Variants in DIAPH3 observed in about 807,000 individuals in gnomAD.
DIAPH3 encodes the protein diaphanous related formin 3, also known as protein diaphanous homolog 3.
Under a neutral mutation model 144.3 loss-of-function variants are expected in DIAPH3, and 117 were observed. The ratio of observed to expected loss-of-function variants is 0.81; its 90% CI spans 0.70 to 0.95. The LOEUF (loss-of-function observed/expected upper bound fraction) is 0.95, where lower values mean the gene tolerates loss of function less well. DIAPH3 is among the 40% of genes least tolerant of loss of function. DIAPH3 has a pLI of 0.00. For synonymous variants in DIAPH3, 519 were observed against 488.9 expected (o/e 1.06, Z -0.81); for missense variants, 1,421 against 1,412.7 (o/e 1.01, Z -0.09).
intron 1 of DIAPH3, among the ~76,000 whole-genome samples, chr13:60,145,100 T>C (rs1951443346): frequency 6.6e-6 from 1 of 152,164 alleles, no homozygotes; most frequent in Non-Finnish European, 1.5e-5. Context: ...TATCCCCATC[T>C]TAGAGAACAG....
intron 23 of DIAPH3, 37 bp downstream of exon 23, chr13:59,839,286 GA>G: frequency 6.2e-7 from 1 of 1,608,244 alleles, no homozygotes; most frequent in Non-Finnish European, 8.5e-7. Context: ...ATCTCTAGTT[GA>G]CTAGTGACTT....
intron 20 of DIAPH3, among the ~76,000 whole-genome samples, chr13:59,893,569 G>C (rs989453805): frequency 9.2e-5 from 14 of 151,766 alleles, no homozygotes; most frequent in African/African-American, 3.4e-4. Context: ...GCCAGCTAAT[G>C]GTTTTATATC....
chr13:59,971,111 T>C lies in DIAPH3; in HGVS notation c.1700A>G (p.Glu567Gly), dbSNP rs765317283. The C allele has an allele frequency of 1.2e-6, 2 of 1,607,168 alleles. No homozygotes were observed. Among genetic ancestry groups the C allele is most frequent in the Non-Finnish European group, 1.7e-6 (2 of 1,176,260 alleles). ...DCNIPLPPSK[E>G]GGTGHSALPP... ...AAGTGCTGAGTGGCCAGTTCCACCT[T>C]CTTTAGAGGGAGGCAAAGGAATATT... Residue 567 changes from glutamate to glycine, a missense_variant, in exon 16 of 28, where the codon GAA (glutamate) becomes GGA (glycine). By Grantham distance (98) the Glu-to-Gly change is moderately conservative. Transcript: ENST00000400324.
chr13:59,937,894 G>T (rs2048340699), intron 17 of DIAPH3, among the ~76,000 whole-genome samples: 2 of 152,062 alleles, frequency 1.3e-5, no homozygotes, highest in African/African-American at 4.8e-5. Flanking sequence ...GTAGAAAAGA[G>T]GAGGAGAAGG....
At chr13:59,821,801 T>C (rs1196713441) in intron 24 of DIAPH3, among the ~76,000 whole-genome samples, 1 of 152,208 alleles carries the variant, frequency 6.6e-6, no homozygotes, top group East Asian at 1.9e-4. Flanking sequence ...TGATATACTG[T>C]GCTCTGGCAC....
intron 20 of DIAPH3, among the ~76,000 whole-genome samples, chr13:59,893,560 C>T (rs925942130): frequency 6.6e-6 from 1 of 151,676 alleles, no homozygotes; most frequent in African/African-American, 2.4e-5. Flanking sequence ...GCAATTCCAG[C>T]CAGCTAATGG....
At chr13:60,063,627 T>C (rs2056850730) in intron 4 of DIAPH3, among the ~76,000 whole-genome samples, 1 of 152,088 alleles carries the variant, frequency 6.6e-6, no homozygotes, top group African/African-American at 2.4e-5. Context: ...TTCACATGCA[T>C]AAAAACATTA....
intron 4 of DIAPH3, among the ~76,000 whole-genome samples, chr13:60,070,195 G>A (rs2141344578): frequency 6.6e-6 from 1 of 150,740 alleles, no homozygotes; most frequent in East Asian, 1.9e-4. Flanking sequence ...GTTTGTTCAT[G>A]TCTCAGTTAG....
intron 2 of DIAPH3, among the ~76,000 whole-genome samples, chr13:60,122,350 T>G (rs1374258960): frequency 6.6e-6 from 1 of 152,192 alleles, no homozygotes; most frequent in African/African-American, 2.4e-5. Flanking sequence ...TAAGAGCCCA[T>G]TTTGATTCCT....
chr13:59,886,891 C>T (rs2045488372), intron 20 of DIAPH3, among the ~76,000 whole-genome samples: 1 of 151,942 alleles, frequency 6.6e-6, no homozygotes, highest in East Asian at 1.9e-4. Flanking sequence ...ATGTATTCAT[C>T]TTTTATGTTT....
At chr13:59,674,651 C>A (rs2138603733) in intron 27 of DIAPH3, among the ~76,000 whole-genome samples, 1 of 152,298 alleles carries the variant, frequency 6.6e-6, no homozygotes, top group Non-Finnish European at 1.5e-5. Flanking sequence ...CATTTCCAGC[C>A]CTGACAACAG....
chr13:59,703,815 T>G (rs541166127), intron 27 of DIAPH3, among the ~76,000 whole-genome samples: 13 of 152,290 alleles, frequency 8.5e-5, no homozygotes, highest in African/African-American at 2.9e-4. Flanking sequence ...AATCTGGATA[T>G]TCTATGTATA....
chr13:59,772,018 AAAATAT>A (rs2038149963), intron 27 of DIAPH3, among the ~76,000 whole-genome samples: 1 of 152,110 alleles, frequency 6.6e-6, no homozygotes, highest in Non-Finnish European at 1.5e-5. Context: ...ATACTTGTAG[AAAATAT>A]AAATATTAGA....
At position 60,110,519 on chromosome 13, in the gene DIAPH3, C is replaced by T. The variant is rs192458092; in HGVS notation, c.390+1491G>A. Among the ~76,000 whole-genome samples, 515 of 152,278 alleles carry T rather than the reference C, an allele frequency of 3.4e-3. 2 individuals are homozygous for T. The highest frequency in any genetic ancestry group is 0.011 in the African/African-American group (454 of 41,564). On this transcript the variant is annotated intron_variant, in intron 3 of 27. Transcript: ENST00000400324. ...CACATTTAAAGAAGGCAACAACACC[C>T]TTCAAAAGCCTTTCAGCTTCAGAAT...
intron 4 of DIAPH3, among the ~76,000 whole-genome samples, chr13:60,063,144 T>C (rs1359120239): frequency 6.6e-6 from 1 of 152,248 alleles, no homozygotes; most frequent in African/African-American, 2.4e-5. Flanking sequence ...TGGAAGATTC[T>C]GAATCATTTA....
intron 27 of DIAPH3, among the ~76,000 whole-genome samples, chr13:59,704,704 G>A (rs1476701225): frequency 6.6e-6 from 1 of 152,132 alleles, no homozygotes; most frequent in Non-Finnish European, 1.5e-5. Context: ...GTAACATGTT[G>A]TGCAGGTTTG....
chr13:59,726,246 G>A (rs1225122605), intron 27 of DIAPH3, among the ~76,000 whole-genome samples: 1 of 151,990 alleles, frequency 6.6e-6, no homozygotes, highest in Non-Finnish European at 1.5e-5. Flanking sequence ...GTGTGTTTTT[G>A]TGTGTCTGGA....
chr13:59,773,220 G>A (rs1178699619), intron 27 of DIAPH3, among the ~76,000 whole-genome samples: 1 of 152,090 alleles, frequency 6.6e-6, no homozygotes, highest in African/African-American at 2.4e-5. Context: ...CATTTGTTAA[G>A]CACCTACTAT....
chr13:60,027,427 CAGATA>C (rs1468874527), intron 5 of DIAPH3, among the ~76,000 whole-genome samples: 38 of 152,250 alleles, frequency 2.5e-4, no homozygotes, highest in African/African-American at 7.9e-4. Context: ...CTTTTCATAT[CAGATA>C]AGATAACACA....
Sources: allele counts gnomAD v4.1 joint callset (sites outside exome capture counted in the v4.1 genomes callset), GRCh38; gene constraint gnomAD v4.1.1; transcripts MANE v1.5; gene names NCBI Gene and HGNC (gene_info 2026-07-23, HGNC 2026-07-21).